Variants in MKX observed in about 807,000 individuals in gnomAD.
MKX encodes homeobox protein Mohawk.
In MKX, 13 loss-of-function variants were observed where a neutral mutation model predicts 36.0. The observed-to-expected ratio is 0.36, with a 90% confidence interval of 0.24 to 0.57. MKX has a LOEUF of 0.57. Ranked by LOEUF, MKX falls within the 20% of genes least tolerant of loss-of-function variation. MKX has a pLI of 0.79. For synonymous variants in MKX, 176 were observed against 178.3 expected (o/e 0.99, Z 0.10); for missense variants, 458 against 456.4 (o/e 1.00, Z -0.03).
chr10:27,729,768 A>G (rs1834583247), intron 5 of MKX, among the ~76,000 whole-genome samples: 1 of 152,190 alleles, frequency 6.6e-6, no homozygotes, highest in South Asian at 2.1e-4. Flanking sequence ...CTCCTTCAGT[A>G]GAGAAAGAAA....
At chr10:27,720,217 A>T (rs1184714082) in intron 5 of MKX, among the ~76,000 whole-genome samples, 1 of 152,050 alleles carries the variant, frequency 6.6e-6, no homozygotes, top group Non-Finnish European at 1.5e-5. Flanking sequence ...GTTAATGCTA[A>T]CTTTATTTAA....
intron 5 of MKX, among the ~76,000 whole-genome samples, chr10:27,726,526 G>C (rs1285086015): frequency 6.6e-6 from 1 of 151,872 alleles, no homozygotes; most frequent in Non-Finnish European, 1.5e-5. Context: ...GTTTTTATTT[G>C]TCTATCGGCT....
intron 5 of MKX, among the ~76,000 whole-genome samples, chr10:27,693,922 G>A (rs1836499271): frequency 1.3e-5 from 2 of 152,152 alleles, no homozygotes. Context: ...GAATCATGGG[G>A]ACAGGTCTTT....
rs755998585 is a variant in MKX, at chr10:27,741,550, C to T, written c.189-46G>A. On this transcript the variant is annotated intron_variant, in intron 2 of 6. Transcript: ENST00000419761. The surrounding 1 kb of genome is among the most constrained non-coding windows in gnomAD (Gnocchi z 5.1). ...GCGGCCCTGGTGAGCGACGCGTTTG[C>T]CCGCCCGGACGCTCCACGCCCCGGC... 4 of 1,522,678 alleles carry T rather than the reference C, an allele frequency of 2.6e-6. No individual in the cohort carries two copies. The highest frequency in any genetic ancestry group is 1.7e-6 in the Non-Finnish European group (2 of 1,143,768). The allele number at this position is 1,522,678 out of a possible 1,614,324, so 94.3% of individuals were successfully genotyped here.
chr10:27,707,280 A>G (rs2132536092), intron 5 of MKX, among the ~76,000 whole-genome samples: 1 of 152,246 alleles, frequency 6.6e-6, no homozygotes, highest in African/African-American at 2.4e-5. Context: ...TAAAAATGAT[A>G]TTTTACAAAT....
At chr10:27,707,363 T>C (rs1452381633) in intron 5 of MKX, among the ~76,000 whole-genome samples, 2 of 152,206 alleles carry the variant, frequency 1.3e-5, no homozygotes, top group African/African-American at 4.8e-5. Context: ...TTTCTTTTGA[T>C]TAAAAAAACG....
chr10:27,673,466 T>C lies in MKX; in HGVS notation c.*1763A>G, dbSNP rs185989001. ...TTAGTTTTCATTGACATGCTCACAT[T>C]TTGGCATTTTTGTATTGTTTTGCAA... On this transcript the variant is annotated 3_prime_UTR_variant, in exon 7 of 7. Coordinates refer to ENST00000419761, the MANE Select transcript of MKX (RefSeq NM_173576.3). 1.7e-3 allele frequency: 262 copies of C among 152,716 alleles called. 1 individual carries two copies. The highest frequency in any genetic ancestry group is 2.2e-3 in the Non-Finnish European group (147 of 67,998). 9.5% of individuals were successfully genotyped at this position (152,716 alleles called of 1,614,324 possible). A position where few individuals can be genotyped will look rare whatever the true frequency, so the allele number is the denominator to read the frequency against.
rs1177350550 is a variant in MKX, at chr10:27,742,541, G to T, written c.188+687C>A. Among the ~76,000 whole-genome samples, 3 of 151,990 alleles carry T rather than the reference G, an allele frequency of 2.0e-5. No individual in the cohort carries two copies. The highest frequency in any genetic ancestry group is 7.2e-5 in the African/African-American group (3 of 41,418). The stretch of plus-strand genomic sequence containing the variant: ...CCCTCCCCGGCGGGGCGCCCGGGGA[G>T]CCGCCGGATCGGGCCAGGCAGAGCC... On this transcript the variant is annotated intron_variant, in intron 2 of 6. Transcript: ENST00000419761. The surrounding 1 kb of genome is among the most constrained non-coding windows in gnomAD (Gnocchi z 4.2).
At chr10:27,698,310 T>C (rs1158995279) in intron 5 of MKX, among the ~76,000 whole-genome samples, 1 of 152,076 alleles carries the variant, frequency 6.6e-6, no homozygotes, top group Non-Finnish European at 1.5e-5. Context: ...ATTGAAATAA[T>C]AGGATCAGAT....
rs185768425 is a variant in MKX, at chr10:27,710,682, A to T, written c.838+23774T>A. 1.3e-4 allele frequency among the ~76,000 whole-genome samples: 20 copies of T among 152,310 alleles called. No individual in the cohort carries two copies. The East Asian group carries it at 1.4e-3, about 10-fold the overall frequency. On this transcript the variant is annotated intron_variant, in intron 5 of 6. Transcript: ENST00000419761. ...TTTTTATTTATTGATTGATTGAGAT[A>T]AAGTCTTGCTCTGTCACCCAATCTG...
chr10:27,742,178 A>G lies in MKX; in HGVS notation c.189-674T>C, dbSNP rs1834913423. Among the ~76,000 whole-genome samples, 1 of 152,178 alleles carries G rather than the reference A, an allele frequency of 6.6e-6. No homozygotes were observed. Among genetic ancestry groups the G allele is most frequent in the Non-Finnish European group, 1.5e-5 (1 of 68,024 alleles). On this transcript the variant is annotated intron_variant, in intron 2 of 6. Transcript: ENST00000419761. This position sits in a 1 kb window ranked among gnomAD's most constrained non-coding sequence, Gnocchi z 4.2. ...TTAAAAGTACGGCAAGCTCTGTCCC[A>G]TCATGTAAGGTAAAAAGACCTCAGG...
chr10:27,722,310 T>C (rs992662904), intron 5 of MKX, among the ~76,000 whole-genome samples: 1 of 152,204 alleles, frequency 6.6e-6, no homozygotes, highest in East Asian at 1.9e-4. Flanking sequence ...TCCTTTGCAA[T>C]GTCCCTGTCT....
At chr10:27,691,743 C>T (rs1403875328) in intron 5 of MKX, among the ~76,000 whole-genome samples, 1 of 152,150 alleles carries the variant, frequency 6.6e-6, no homozygotes, top group Non-Finnish European at 1.5e-5. Flanking sequence ...CTTATGGTTT[C>T]CTTCTTTGTG....
At chr10:27,727,829 G>A (rs1295374093) in intron 5 of MKX, among the ~76,000 whole-genome samples, 1 of 152,160 alleles carries the variant, frequency 6.6e-6, no homozygotes, top group African/African-American at 2.4e-5. Context: ...ACAAGGAAGA[G>A]GACATTTAGA....
rs183567105 is a variant in MKX, at chr10:27,744,191, C to T, written c.-82-694G>A. Among the ~76,000 whole-genome samples, 192 of 152,246 alleles carry T rather than the reference C, an allele frequency of 1.3e-3. No individual in the cohort carries two copies. Among genetic ancestry groups the T allele is most frequent in the African/African-American group, 4.5e-3 (185 of 41,552 alleles). The stretch of plus-strand genomic sequence containing the variant: ...CTCCCCCTTCTCTCCCAGAATCTTC[C>T]TATCATCCCCCAACGCGCCCCGGGA... On this transcript the variant is annotated intron_variant, in intron 1 of 6. Transcript: ENST00000419761. The surrounding 1 kb of genome is among the most constrained non-coding windows in gnomAD (Gnocchi z 5.6).
chr10:27,696,898 C>A (rs1331354378), intron 5 of MKX, among the ~76,000 whole-genome samples: 8 of 152,072 alleles, frequency 5.3e-5, no homozygotes, highest in Admixed American at 5.2e-4. Context: ...TGGAAATTCC[C>A]AATTTTTAAA....
chr10:27,712,244 C>A (rs967356869), intron 5 of MKX, among the ~76,000 whole-genome samples: 21 of 152,144 alleles, frequency 1.4e-4, no homozygotes, highest in African/African-American at 4.3e-4. Context: ...GATTCTAAAG[C>A]CAGGGGGATG....
chr10:27,701,831 A>G lies in MKX; in HGVS notation c.839-26277T>C, dbSNP rs994737341. ...TTATTTTGTGTGTGTGTGTGTGTATATATATATATATATATACACAAAGAA... is the reference window on the plus strand; with the variant it reads ...TTATTTTGTGTGTGTGTGTGTGTATGTATATATATATATATACACAAAGAA... On this transcript the variant is annotated intron_variant, in intron 5 of 6. Transcript: ENST00000419761. Among the ~76,000 whole-genome samples the G allele has an allele frequency of 1.9e-3, 17 of 8,738 alleles. No individual in the cohort carries two copies. The East Asian group carries it at 0.024, about 12-fold the overall frequency. The allele number at this position is 8,738 out of a possible 152,430, so 5.7% of individuals were successfully genotyped here.
At chr10:27,697,200 T>C (rs576816966) in intron 5 of MKX, among the ~76,000 whole-genome samples, 14 of 152,356 alleles carry the variant, frequency 9.2e-5, no homozygotes, top group Admixed American at 5.2e-4. Context: ...CTTGGAATTA[T>C]TGTTGCCATC....
Sources: allele counts gnomAD v4.1 joint callset (sites outside exome capture counted in the v4.1 genomes callset), GRCh38; gene constraint gnomAD v4.1.1; non-coding constraint Gnocchi (gnomAD v3.1); transcripts MANE v1.5; gene names NCBI Gene and HGNC (gene_info 2026-07-23, HGNC 2026-07-21).